The following LY9 variants were observed in gnomAD, a reference collection of about 807,000 sequenced individuals.
The protein encoded by LY9 is lymphocyte antigen 9, also known as T-lymphocyte surface antigen Ly-9.
Under a neutral mutation model 64.6 loss-of-function variants are expected in LY9, and 59 were observed. The observed-to-expected ratio is 0.91, with a 90% CI of 0.74 to 1.13. The LOEUF (loss-of-function observed/expected upper bound fraction) is 1.13. Ranked by LOEUF, LY9 falls within the 50% of genes most tolerant of loss-of-function variation. The pLI is 0.00. For synonymous variants in LY9, 281 were observed against 308.5 expected, an observed-to-expected ratio of 0.91 and a Z score of 0.93; for missense variants, 789 against 797.2, an observed-to-expected ratio of 0.99 and a Z score of 0.12.
At chr1:160,799,724 T>C in intron 1 of LY9, 29 bp from the exon 2 acceptor site, 1 of 1,455,484 alleles carries the variant, frequency 6.9e-7, no homozygotes, top group East Asian at 2.3e-5. Flanking sequence ...GTCTAGCTGC[T>C]CCTCCAAGTC....
At position 160,799,910 on chromosome 1, in the gene LY9, A is replaced by C. The variant is rs748971556; in HGVS notation, c.282A>C (p.Glu94Asp). The change falls in exon 2 of 10, where the codon GAA (glutamate) becomes GAC (aspartate). Residue 94 changes from glutamate to aspartate, a missense_variant. By Grantham distance (45) the Glu-to-Asp change is conservative (BLOSUM62 2). Transcript: ENST00000263285. ...KNALAFARPK[E>D]NVTIMVKSYL... ...CTCTTGCTTTCGCACGTCCCAAAGA[A>C]AATGTAACCATTATGGTCAAAAGCT... The C allele has an allele frequency of 9.8e-5, 158 of 1,614,016 alleles. No individual in the cohort carries two copies. The highest frequency in any genetic ancestry group is 1.3e-4 in the Non-Finnish European group (151 of 1,179,986).
chr1:160,799,799 G>A lies in LY9; in HGVS notation c.171G>A (p.Gly57=), dbSNP rs759932354. ...ACTCAGCCCCAACAGTGGTGTCAGG[G>A]ATCCTAGGGGGTTCCGTGACTCTCC... The part of the protein sequence containing the change: ...GKDSAPTVVS[G]ILGGSVTLPL... The change falls in exon 2 of 10, where the codon GGG becomes GGA. Residue 57 remains glycine, a synonymous_variant. Transcript: ENST00000263285. The A allele has an allele frequency of 8.7e-6, 14 of 1,613,788 alleles. No homozygotes were observed. The African/African-American group carries it at 1.1e-4, about 12-fold the overall frequency.
rs12738298 is a variant in LY9, at chr1:160,814,004, G to T, written c.730+93G>T. The T allele has an allele frequency of 0.013, 17,119 of 1,367,832 alleles. 688 individuals are homozygous for T. Among genetic ancestry groups the T allele is most frequent in the African/African-American group, 0.11 (7,693 of 68,930 alleles). 84.7% of individuals were successfully genotyped at this position (1,367,832 alleles called of 1,614,324 possible). On this transcript the variant is annotated intron_variant, in intron 3 of 9. Transcript: ENST00000263285. ...CCTAGGATCCTGGTCAGACACACAG[G>T]GGGTGGGGAAGCAAGAGGACAGGCC...
In LY9 at chr1:160,824,754, T is replaced by C. The variant is rs374903136; in HGVS notation, c.1899+505T>C. On this transcript the variant is annotated intron_variant, in intron 9 of 9. Transcript: ENST00000263285. ...CAGCACTTTGGGAGGCCAAGGCGGG[T>C]GGATCACAAGGTCAGGAGATGGAGA... The C allele has an allele frequency of 6.7e-5, 36 of 540,726 alleles. No individual in the cohort carries two copies. In the South Asian group the frequency reaches 1.8e-3, roughly 27 times the overall value. The allele number at this position is 540,726 out of a possible 1,614,324, so 33.5% of individuals were successfully genotyped here. A position where few individuals can be genotyped will look rare whatever the true frequency, so the allele number is the denominator to read the frequency against.
intron 2 of LY9, chr1:160,811,245 T>G (rs1300014159): frequency 6.6e-6 from 1 of 152,218 alleles, no homozygotes; most frequent in Non-Finnish European, 1.5e-5. Flanking sequence ...TACAGCTGTA[T>G]TGACTTATTT....
intron 7 of LY9, among the ~76,000 whole-genome samples, chr1:160,820,518 G>A (rs1178593262): frequency 6.6e-6 from 1 of 152,220 alleles, no homozygotes; most frequent in East Asian, 1.9e-4. Context: ...AGCATGTGAC[G>A]ATATGGGCTC....
intron 2 of LY9, among the ~76,000 whole-genome samples, chr1:160,806,047 G>T (rs1666966578): frequency 7.1e-6 from 1 of 141,448 alleles, no homozygotes. Flanking sequence ...TTCTTTACTT[G>T]TAGTCTATAT....
At chr1:160,821,507 A>G (rs1171320323) in intron 7 of LY9, among the ~76,000 whole-genome samples, 1 of 152,216 alleles carries the variant, frequency 6.6e-6, no homozygotes, top group African/African-American at 2.4e-5. Flanking sequence ...ACCAGTCCTT[A>G]TTAACAGACA....
chr1:160,802,398 C>A, intron 2 of LY9: 2 of 986,772 alleles, frequency 2.0e-6, no homozygotes, highest in Non-Finnish European at 2.4e-6. Context: ...CAGCCCACTG[C>A]GTGGGAGGTC....
chr1:160,823,767 A>C lies in LY9; in HGVS notation c.1801A>C (p.Thr601Pro), dbSNP rs776625023. 2.5e-6 allele frequency: 4 copies of C among 1,613,964 alleles called. No homozygotes were observed. Among genetic ancestry groups the C allele is most frequent in the Non-Finnish European group, 3.4e-6 (4 of 1,179,858 alleles). The change falls in exon 8 of 10, where the codon ACC (threonine) becomes CCC (proline). Residue 601 changes from threonine to proline, a missense_variant. Coordinates refer to ENST00000263285, the MANE Select transcript of LY9 (RefSeq NM_002348.4). The part of the protein sequence containing the change: ...TEVESVVGEN[T>P]MYAQVFNLQG... ...AGTTGAGTCTGTGGTTGGAGAGAACACCATGTATGCACAAGTGTTCAACTT... is the reference window on the plus strand; with the variant it reads ...AGTTGAGTCTGTGGTTGGAGAGAACCCCATGTATGCACAAGTGTTCAACTT...
chr1:160,823,423 G>T, intron 7 of LY9, 42 bp from the exon 8 acceptor site: 1 of 1,472,340 alleles, frequency 6.8e-7, no homozygotes, highest in South Asian at 1.2e-5. Context: ...GAAGAGAGGT[G>T]GGGTTGGCAT....
At chr1:160,814,012 G>A (rs868250144) in intron 3 of LY9, 101 bp downstream of exon 3, 1 of 1,271,194 alleles carries the variant, frequency 7.9e-7, no homozygotes, top group Middle Eastern at 2.3e-4. Context: ...AGGGGGTGGG[G>A]AAGCAAGAGG....
chr1:160,806,095 T>C (rs1261863859), intron 2 of LY9, among the ~76,000 whole-genome samples: 1 of 152,182 alleles, frequency 6.6e-6, no homozygotes, highest in Non-Finnish European at 1.5e-5. Context: ...GTAATTAACA[T>C]ATAGATGGAT....
intron 5 of LY9, among the ~76,000 whole-genome samples, chr1:160,818,010 AG>A (rs1412555629): frequency 2.0e-5 from 3 of 152,200 alleles, no homozygotes; most frequent in Non-Finnish European, 2.9e-5. Context: ...CTCTCTACCC[AG>A]GGACTGTCTG....
In LY9 at chr1:160,827,857, T is replaced by C; in HGVS notation, c.*41T>C. ...CTGCCTCTCTCCTGGGACCGTGGGG[T>C]TGGAAAGTCAGCTGGACCTCATGGG... is the stretch of plus-strand genomic sequence containing the variant. On this transcript the variant is annotated 3_prime_UTR_variant, in exon 10 of 10. Coordinates refer to ENST00000263285, the MANE Select transcript of LY9 (RefSeq NM_002348.4). 6.4e-7 allele frequency: 1 copy of C among 1,560,478 alleles called. No individual in the cohort carries two copies. The highest frequency in any genetic ancestry group is 8.8e-7 in the Non-Finnish European group (1 of 1,140,210).
At position 160,827,972 on chromosome 1, in the gene LY9, T is replaced by A; in HGVS notation, c.*156T>A. ...GGCCCCTCCCCCTCCTTCTCACCCT[T>A]AAGGACTCCCAAACCCATTAATAGT... On this transcript the variant is annotated 3_prime_UTR_variant, in exon 10 of 10. Transcript: ENST00000263285. 1 of 595,424 alleles carries A rather than the reference T, an allele frequency of 1.7e-6. No homozygotes were observed. The highest frequency in any genetic ancestry group is 3.0e-6 in the Non-Finnish European group (1 of 335,508). 36.9% of individuals were successfully genotyped at this position (595,424 alleles called of 1,614,324 possible).
rs1047833655 is a variant in LY9 at position 160,823,712 on chromosome 1, C to G, written c.1746C>G (p.Asp582Glu). The G allele has an allele frequency of 6.2e-7, 1 of 1,614,082 alleles. No homozygotes were observed. The highest frequency in any genetic ancestry group is 1.3e-5 in the African/African-American group (1 of 74,938). The change falls in exon 8 of 10, where the codon GAC (aspartate) becomes GAG (glutamate). Residue 582 changes from aspartate (D) to glutamate (E), a missense_variant. Coordinates refer to ENST00000263285, the MANE Select transcript of LY9 (RefSeq NM_002348.4). ...ACCCAGCCCCTGAGGGCCAAGCAGA[C>G]TATGATCCCGTCACTCCATATGTCA... is the stretch of plus-strand genomic sequence containing the variant. ...GHDPAPEGQADYDPVTPYVTE... is the reference protein window; with the variant it reads ...GHDPAPEGQAEYDPVTPYVTE...
intron 1 of LY9, chr1:160,797,230 C>T: frequency 1.0e-6 from 1 of 985,570 alleles, no homozygotes; most frequent in Non-Finnish European, 1.2e-6. Context: ...AGCTACTGTC[C>T]TTCTGTGCTC....
intron 1 of LY9, among the ~76,000 whole-genome samples, chr1:160,798,223 A>AC: frequency 6.6e-6 from 1 of 152,164 alleles, no homozygotes; most frequent in Middle Eastern, 3.4e-3. Context: ...AGTCATATGC[A>AC]CCCAGTCAAG....
Sources: gnomAD v4.1 joint callset for allele counts (sites outside exome capture counted in the v4.1 genomes callset) on GRCh38, gnomAD v4.1.1 for gene constraint, MANE v1.5 for transcripts, NCBI Gene and HGNC (gene_info 2026-07-23, HGNC 2026-07-21) for gene names.